The following NT5DC1 variants were observed in gnomAD, a reference collection of about 807,000 sequenced individuals.
NT5DC1 encodes the protein 5'-nucleotidase domain-containing protein 1.
A neutral mutation model predicts 59.4 loss-of-function variants in NT5DC1; 42 were observed. That is an observed-to-expected ratio of 0.71 (90% CI 0.55 to 0.92). The LOEUF is 0.92. Ranked by LOEUF, NT5DC1 falls within the 40% of genes least tolerant of loss-of-function variation. The pLI, the probability that NT5DC1 is intolerant of heterozygous loss-of-function variation, is 0.00. For missense variants in NT5DC1, 501 were observed against 537.1 expected, an observed-to-expected ratio of 0.93 and a Z score of 0.66; for synonymous variants, 172 against 188.1, an observed-to-expected ratio of 0.91 and a Z score of 0.70.
intron 5 of NT5DC1, among the ~76,000 whole-genome samples, chr6:116,116,804 C>T (rs189842673): frequency 4.7e-4 from 71 of 151,690 alleles, no homozygotes; most frequent in African/African-American, 1.5e-3. Context: ...GTTTCTCATT[C>T]GGTAGTTACT....
intron 6 of NT5DC1, among the ~76,000 whole-genome samples, chr6:116,188,307 C>T (rs1247411749): frequency 6.6e-6 from 1 of 152,010 alleles, no homozygotes; most frequent in African/African-American, 2.4e-5. Context: ...TGAAAGTGAG[C>T]ATTCCCTATG....
chr6:116,148,589 AC>A (rs1779954640), intron 6 of NT5DC1, among the ~76,000 whole-genome samples: 1 of 152,200 alleles, frequency 6.6e-6, no homozygotes, highest in African/African-American at 2.4e-5. Context: ...TACTATGATA[AC>A]AGTTTATTAT....
rs1374355906 is a variant in NT5DC1 at position 116,238,130 on chromosome 6, A to G, written c.922-57A>G. 2.2e-6 allele frequency: 3 copies of G among 1,353,952 alleles called. No homozygotes were observed. In the African/African-American group the frequency reaches 4.5e-5, roughly 20 times the overall value. 83.9% of individuals were successfully genotyped at this position (1,353,952 alleles called of 1,614,324 possible). A position where few individuals can be genotyped will look rare whatever the true frequency, so the allele number is the denominator to read the frequency against. The stretch of plus-strand genomic sequence containing the variant: ...GAAATTTTCTTCTTCCTTATATGAA[A>G]TAAATGCCACTTTCACAATTCTGTG... On this transcript the variant is annotated intron_variant, in intron 9 of 11. Coordinates refer to ENST00000319550, the MANE Select transcript of NT5DC1 (RefSeq NM_152729.3).
intron 6 of NT5DC1, among the ~76,000 whole-genome samples, chr6:116,148,963 A>G (rs1779965768): frequency 6.6e-6 from 1 of 152,214 alleles, no homozygotes; most frequent in African/African-American, 2.4e-5. Flanking sequence ...TAATCTCTAG[A>G]AATATACTAA....
chr6:116,157,137 C>T (rs1257751851), intron 6 of NT5DC1, among the ~76,000 whole-genome samples: 1 of 152,118 alleles, frequency 6.6e-6, no homozygotes, highest in Non-Finnish European at 1.5e-5. Flanking sequence ...GAAAACAAAG[C>T]AAAACTAACC....
At chr6:116,138,049 G>A (rs1249130974) in intron 6 of NT5DC1, among the ~76,000 whole-genome samples, 2 of 152,140 alleles carry the variant, frequency 1.3e-5, no homozygotes, top group African/African-American at 2.4e-5. Context: ...CTGCACTCCC[G>A]CCTGGGTGAC....
intron 6 of NT5DC1, among the ~76,000 whole-genome samples, chr6:116,184,314 G>A (rs1189749328): frequency 6.6e-6 from 1 of 152,018 alleles, no homozygotes; most frequent in African/African-American, 2.4e-5. Flanking sequence ...ATATTTTGTT[G>A]AGGATTTTGC....
chr6:116,234,177 G>T (rs1384527870), intron 8 of NT5DC1, among the ~76,000 whole-genome samples: 1 of 151,864 alleles, frequency 6.6e-6, no homozygotes, highest in African/African-American at 2.4e-5. Context: ...GGCCAGGCTG[G>T]TCTTGAACTC....
chr6:116,211,522 A>G lies in NT5DC1; in HGVS notation c.530-9532A>G, dbSNP rs911868030. ...TTGACTGTATTTTATGTATGTTTTT[A>G]TATTGTATATTTGGTTATTCTTAAT... On this transcript the variant is annotated intron_variant, in intron 6 of 11. Transcript: ENST00000319550. 2.9e-4 allele frequency among the ~76,000 whole-genome samples: 44 copies of G among 152,068 alleles called. 1 individual carries two copies. Among genetic ancestry groups the G allele is most frequent in the Non-Finnish European group, 5.9e-5 (4 of 68,002 alleles).
chr6:116,179,202 A>G (rs1192712133), intron 6 of NT5DC1, among the ~76,000 whole-genome samples: 1 of 152,194 alleles, frequency 6.6e-6, no homozygotes, highest in Non-Finnish European at 1.5e-5. Context: ...TAAATAACAT[A>G]TAGTAGATAT....
At chr6:116,145,965 C>T (rs554814717) in intron 6 of NT5DC1, among the ~76,000 whole-genome samples, 1 of 152,300 alleles carries the variant, frequency 6.6e-6, no homozygotes, top group East Asian at 1.9e-4. Flanking sequence ...TTGTACAGAG[C>T]ACTGTGCCAG....
rs1779576012 is a variant in NT5DC1, at chr6:116,135,814, T to C, written c.529+17869T>C. Among the ~76,000 whole-genome samples the C allele has an allele frequency of 2.1e-5, 3 of 141,196 alleles. No individual in the cohort carries two copies. In the South Asian group the frequency reaches 6.7e-4, roughly 32 times the overall value. The allele number at this position is 141,196 out of a possible 152,430, so 92.6% of individuals were successfully genotyped here. Reference sequence around the variant, plus strand: ...GATAAATTAAAAGTATATATATTTATGGTATACAATATATTTTCAGATATA... The same window carrying C: ...GATAAATTAAAAGTATATATATTTACGGTATACAATATATTTTCAGATATA... On this transcript the variant is annotated intron_variant, in intron 6 of 11. Transcript: ENST00000319550.
At chr6:116,153,208 T>A (rs1251098983) in intron 6 of NT5DC1, among the ~76,000 whole-genome samples, 1 of 152,102 alleles carries the variant, frequency 6.6e-6, no homozygotes, top group Non-Finnish European at 1.5e-5. Flanking sequence ...AGAATTTTTT[T>A]AAATCATAAA....
At chr6:116,125,869 G>T in intron 6 of NT5DC1, 1 of 202,808 alleles carries the variant, frequency 4.9e-6, no homozygotes, top group Non-Finnish European at 1.0e-5. Flanking sequence ...TTTACAATAT[G>T]GTTTTATTGG....
chr6:116,157,342 A>G (rs1369791699), intron 6 of NT5DC1, among the ~76,000 whole-genome samples: 1 of 152,188 alleles, frequency 6.6e-6, no homozygotes, highest in Non-Finnish European at 1.5e-5. Flanking sequence ...AACCCTAGAC[A>G]AGTAACTGTA....
At chr6:116,241,866 TGAGCC>T (rs1159855565) in intron 11 of NT5DC1, among the ~76,000 whole-genome samples, 5 of 125,380 alleles carry the variant, frequency 4.0e-5, no homozygotes, top group African/African-American at 1.2e-4. Flanking sequence ...GAGCTTGCAG[TGAGCC>T]GAGATCGCGC....
chr6:116,221,707 G>A (rs1293186043), intron 7 of NT5DC1, among the ~76,000 whole-genome samples: 1 of 152,160 alleles, frequency 6.6e-6, no homozygotes, highest in Admixed American at 6.5e-5. Context: ...AGACTTTAAA[G>A]TAAGACAGAC....
rs1771840603 is a variant in NT5DC1, at chr6:116,246,001, T to G, written c.*1977T>G. ...GTCAGTATTTCTTCTAATGAATGTTTTTTTTCTGTAATTAGAAAGACTATA... is the reference window on the plus strand; with the variant it reads ...GTCAGTATTTCTTCTAATGAATGTTGTTTTTCTGTAATTAGAAAGACTATA... On this transcript the variant is annotated 3_prime_UTR_variant, in exon 12 of 12. Transcript: ENST00000319550. The G allele has an allele frequency of 6.6e-6, 1 of 152,178 alleles. No individual in the cohort carries two copies. The highest frequency in any genetic ancestry group is 1.9e-4 in the East Asian group (1 of 5,204). 9.4% of individuals were successfully genotyped at this position (152,178 alleles called of 1,614,324 possible). A position where few individuals can be genotyped will look rare whatever the true frequency, so the allele number is the denominator to read the frequency against.
intron 6 of NT5DC1, among the ~76,000 whole-genome samples, chr6:116,195,852 A>T (rs1192548783): frequency 6.6e-6 from 1 of 152,046 alleles, no homozygotes; most frequent in Non-Finnish European, 1.5e-5. Context: ...GCTATTTTCT[A>T]ACAGTAACTT....
Sources: gnomAD v4.1 joint callset for allele counts (sites outside exome capture counted in the v4.1 genomes callset) on GRCh38, gnomAD v4.1.1 for gene constraint, MANE v1.5 for transcripts, NCBI Gene and HGNC (gene_info 2026-07-23, HGNC 2026-07-21) for gene names.